The following STXBP6 variants were observed in gnomAD, a reference collection of about 807,000 sequenced individuals.
The protein encoded by STXBP6 is syntaxin-binding protein 6.
A neutral mutation model predicts 26.9 loss-of-function variants in STXBP6; 21 were observed. That is an observed-to-expected ratio of 0.78 (90% CI 0.55 to 1.12). STXBP6 has a LOEUF of 1.12. Among genes scored for constraint, STXBP6 ranks in the 50% most tolerant of loss-of-function variants. The probability of loss-of-function intolerance (pLI) is 0.00; values close to 1 mark genes in which losing one functional copy is unlikely to be tolerated. For synonymous variants in STXBP6, 97 were observed against 92.6 expected (o/e 1.05, Z -0.27); for missense variants, 232 against 257.9 (o/e 0.90, Z 0.69).
chr14:24,984,865 G>A (rs537975481), intron 1 of STXBP6, among the ~76,000 whole-genome samples: 6 of 152,318 alleles, frequency 3.9e-5, no homozygotes, highest in Non-Finnish European at 7.4e-5. Flanking sequence ...CAAGGGCAGA[G>A]CAGGGACTTA....
chr14:24,953,004 A>C (rs1028898399), intron 2 of STXBP6, among the ~76,000 whole-genome samples: 5 of 152,276 alleles, frequency 3.3e-5, no homozygotes, highest in Admixed American at 2.6e-4. Flanking sequence ...TGAGGGTGAG[A>C]ATGATGTCTT....
intron 1 of STXBP6, among the ~76,000 whole-genome samples, chr14:25,019,499 C>T (rs951560028): frequency 2.0e-5 from 3 of 152,350 alleles, no homozygotes; most frequent in Admixed American, 6.5e-5. Flanking sequence ...TTTGCCTTTA[C>T]TTTTCCCTAT....
chr14:24,903,577 C>T (rs1431158419), intron 2 of STXBP6, among the ~76,000 whole-genome samples: 2 of 152,060 alleles, frequency 1.3e-5, no homozygotes, highest in Non-Finnish European at 2.9e-5. Flanking sequence ...AACTGAAACT[C>T]CACATTTTAA....
chr14:24,991,049 C>A (rs2074460213), intron 1 of STXBP6, among the ~76,000 whole-genome samples: 1 of 149,048 alleles, frequency 6.7e-6, no homozygotes, highest in Non-Finnish European at 1.5e-5. Context: ...GAGAGGAGAG[C>A]AGACAGAAGA....
At chr14:24,921,294 T>C (rs1198846257) in intron 2 of STXBP6, among the ~76,000 whole-genome samples, 1 of 152,154 alleles carries the variant, frequency 6.6e-6, no homozygotes, top group Non-Finnish European at 1.5e-5. Flanking sequence ...GTATAAGCTA[T>C]ATAATCCCAG....
intron 2 of STXBP6, among the ~76,000 whole-genome samples, chr14:24,872,506 T>C (rs2069974282): frequency 6.6e-6 from 1 of 151,936 alleles, no homozygotes; most frequent in African/African-American, 2.4e-5. Flanking sequence ...ACCCTAAGAG[T>C]TGACAAAATC....
At chr14:24,890,610 T>C (rs945627647) in intron 2 of STXBP6, among the ~76,000 whole-genome samples, 33 of 152,096 alleles carry the variant, frequency 2.2e-4, no homozygotes, top group Non-Finnish European at 3.5e-4. Flanking sequence ...TAAAAGAAGA[T>C]CTTACAAGCT....
At chr14:24,868,416 A>G (rs1024572917) in intron 2 of STXBP6, among the ~76,000 whole-genome samples, 1 of 152,194 alleles carries the variant, frequency 6.6e-6, no homozygotes, top group African/African-American at 2.4e-5. Context: ...TATTATTAAA[A>G]ATTAAATTAA....
At chr14:24,879,377 A>G (rs1007370273) in intron 2 of STXBP6, among the ~76,000 whole-genome samples, 3 of 152,186 alleles carry the variant, frequency 2.0e-5, no homozygotes, top group Non-Finnish European at 2.9e-5. Context: ...TTGTACCCCA[A>G]AGCTTTTCCG....
At chr14:24,908,872 T>C (rs570552423) in intron 2 of STXBP6, among the ~76,000 whole-genome samples, 26 of 152,056 alleles carry the variant, frequency 1.7e-4, no homozygotes, top group Non-Finnish European at 3.1e-4. Flanking sequence ...GCAAACCCCA[T>C]CACCCACCAG....
intron 1 of STXBP6, among the ~76,000 whole-genome samples, chr14:24,999,674 T>TG (rs956468131): frequency 6.6e-6 from 1 of 152,140 alleles, no homozygotes; most frequent in Non-Finnish European, 1.5e-5. Context: ...TACAACTTTT[T>TG]GGGGGTGCCA....
At chr14:24,990,006 T>C (rs2140279813) in intron 1 of STXBP6, among the ~76,000 whole-genome samples, 1 of 152,328 alleles carries the variant, frequency 6.6e-6, no homozygotes, top group East Asian at 1.9e-4. Context: ...TGGCTTCAGA[T>C]GGAGACAATG....
intron 5 of STXBP6, chr14:24,817,842 C>G (rs1028783211): frequency 3.0e-6 from 1 of 330,538 alleles, no homozygotes; most frequent in Non-Finnish European, 5.9e-6. Flanking sequence ...ATGGGCCCCA[C>G]GGGCAACAGT....
intron 1 of STXBP6, among the ~76,000 whole-genome samples, chr14:25,005,836 G>C (rs2074882237): frequency 6.6e-6 from 1 of 150,564 alleles, no homozygotes; most frequent in African/African-American, 2.4e-5. Flanking sequence ...TAACTGAAAA[G>C]AAAATTCAAC....
chr14:24,877,836 C>T (rs1006157926), intron 2 of STXBP6, among the ~76,000 whole-genome samples: 8 of 152,154 alleles, frequency 5.3e-5, no homozygotes, highest in Non-Finnish European at 1.0e-4. Context: ...AATATTACCA[C>T]TGGCCTTCTA....
At chr14:24,848,879 G>A (rs913905816) in intron 4 of STXBP6, among the ~76,000 whole-genome samples, 42 of 152,070 alleles carry the variant, frequency 2.8e-4, no homozygotes, top group Non-Finnish European at 1.6e-4. Context: ...AAACACACAC[G>A]TACAAAACAT....
At chr14:24,836,917 A>C (rs1328034039) in intron 4 of STXBP6, among the ~76,000 whole-genome samples, 2 of 152,208 alleles carry the variant, frequency 1.3e-5, no homozygotes, top group African/African-American at 2.4e-5. Context: ...CTGCAAGCTA[A>C]ATGTTTTAAC....
rs79367816 is a variant in STXBP6, at chr14:24,947,373, C to T, written c.154+27292G>A. 6.6e-4 allele frequency among the ~76,000 whole-genome samples: 101 copies of T among 152,244 alleles called. 1 individual carries two copies. The East Asian group carries it at 0.017, about 26-fold the overall frequency. On this transcript the variant is annotated intron_variant, in intron 2 of 5. Coordinates refer to ENST00000323944, the MANE Select transcript of STXBP6 (RefSeq NM_001394410.1). ...AAGAAAATAGGGACTGAGAGCACAA[C>T]GTGGTGAAAGAGACGGCGATGGAGA...
rs142064480 is a variant in STXBP6, at chr14:25,003,959, AT to A, written c.-32-29110del. Among the ~76,000 whole-genome samples the A allele has an allele frequency of 1.3e-3, 201 of 152,360 alleles. 1 individual carries two copies. Among genetic ancestry groups the A allele is most frequent in the African/African-American group, 4.5e-3 (189 of 41,590 alleles). ...TAACTCATTCATTCATTAAACATTT[AT>A]TGTGCCATACATAATATATAAAGCA... On this transcript the variant is annotated intron_variant, in intron 1 of 5. Transcript: ENST00000323944.
Sources: gnomAD v4.1 joint callset for allele counts (sites outside exome capture counted in the v4.1 genomes callset) on GRCh38, gnomAD v4.1.1 for gene constraint, MANE v1.5 for transcripts, NCBI Gene and HGNC (gene_info 2026-07-23, HGNC 2026-07-21) for gene names.